Variants in PXDNL observed in about 807,000 individuals in gnomAD.
PXDNL encodes the protein probable oxidoreductase PXDNL.
In PXDNL, 145 loss-of-function variants were observed where a neutral mutation model predicts 150.8. The observed-to-expected ratio is 0.96, with a 90% confidence interval of 0.84 to 1.10. The LOEUF (loss-of-function observed/expected upper bound fraction) is 1.10. Among genes scored for constraint, PXDNL ranks in the 50% least tolerant of loss-of-function variants. PXDNL has a pLI of 0.00. For missense variants in PXDNL, 2,087 were observed against 1,873.9 expected, an observed-to-expected ratio of 1.11 and a Z score of -2.10; for synonymous variants, 757 against 725.7, an observed-to-expected ratio of 1.04 and a Z score of -0.69.
chr8:51,483,259 A>G (rs762731110), intron 6 of PXDNL, among the ~76,000 whole-genome samples: 3 of 152,214 alleles, frequency 2.0e-5, no homozygotes, highest in African/African-American at 2.4e-5. Flanking sequence ...ACAACTCCGT[A>G]CAACAAGGGA....
chr8:51,408,289 C>T lies in PXDNL; in HGVS notation c.3335G>A (p.Arg1112Gln), dbSNP rs753757543. Residue 1112 changes from arginine (R) to glutamine (Q), a missense_variant, in exon 17 of 23, where the codon CGG (arginine) becomes CAG (glutamine). By Grantham distance (43) the Arg-to-Gln change is conservative. Transcript: ENST00000356297. ...AGGACTGAGAAGGTAGGAGGGTGCCCGCCATTTAGCAGCCACGCCAAACAG... is the reference window on the plus strand; with the variant it reads ...AGGACTGAGAAGGTAGGAGGGTGCCTGCCATTTAGCAGCCACGCCAAACAG... ...RGLFGVAAKWRAPSYLLSPEL... is the reference protein window; with the variant it reads ...RGLFGVAAKWQAPSYLLSPEL... 17 of 1,613,800 alleles carry T rather than the reference C, an allele frequency of 1.1e-5. No individual in the cohort carries two copies. The highest frequency in any genetic ancestry group is 1.7e-5 in the Admixed American group (1 of 60,006).
intron 6 of PXDNL, among the ~76,000 whole-genome samples, chr8:51,482,936 T>G (rs1051272581): frequency 6.6e-6 from 1 of 152,218 alleles, no homozygotes; most frequent in African/African-American, 2.4e-5. Flanking sequence ...TTTTCCACTA[T>G]GTGCTCTCTG....
chr8:51,346,091 C>T lies in PXDNL; in HGVS notation c.3902-144G>A, dbSNP rs531194688. ...GAGAGTGAGAGAGACTCATTTAGTC[C>T]GTTCCATTTTGCTGGGTGACCACAG... On this transcript the variant is annotated intron_variant, in intron 19 of 22. Transcript: ENST00000356297. 7.3e-5 allele frequency: 40 copies of T among 546,794 alleles called. No individual in the cohort carries two copies. The East Asian group carries it at 7.8e-4, about 11-fold the overall frequency. 33.9% of individuals were successfully genotyped at this position (546,794 alleles called of 1,614,324 possible).
At chr8:51,586,353 C>A (rs139585758) in intron 3 of PXDNL, among the ~76,000 whole-genome samples, 161 of 152,274 alleles carry the variant, frequency 1.1e-3, no homozygotes, top group African/African-American at 3.7e-3. Context: ...AAGATCTGAG[C>A]CAGCCTAGAC....
chr8:51,755,530 G>A lies in PXDNL; in HGVS notation c.164+53651C>T, dbSNP rs183925030. ...TGGTCTCAAACTCCTGACCTCAGGT[G>A]ACCCACCTGCCTCGGCCTCCCAAAG... is the stretch of plus-strand genomic sequence containing the variant. On this transcript the variant is annotated intron_variant, in intron 1 of 22. Coordinates refer to ENST00000356297, the MANE Select transcript of PXDNL (RefSeq NM_144651.5). Among the ~76,000 whole-genome samples the A allele has an allele frequency of 7.9e-4, 121 of 152,258 alleles. 1 individual carries two copies. Among genetic ancestry groups the A allele is most frequent in the Non-Finnish European group, 1.3e-4 (9 of 68,022 alleles).
chr8:51,536,209 C>A (rs1421618781), intron 4 of PXDNL, among the ~76,000 whole-genome samples: 3 of 152,152 alleles, frequency 2.0e-5, no homozygotes, highest in Non-Finnish European at 4.4e-5. Context: ...CCGAAGCAAC[C>A]TTTTTATACA....
At chr8:51,522,264 A>C (rs1352375766) in intron 4 of PXDNL, among the ~76,000 whole-genome samples, 1 of 152,182 alleles carries the variant, frequency 6.6e-6, no homozygotes, top group African/African-American at 2.4e-5. Context: ...AAATAAGAGA[A>C]ACTATTTAGT....
At chr8:51,392,964 C>A (rs1306150822) in intron 17 of PXDNL, among the ~76,000 whole-genome samples, 5 of 152,112 alleles carry the variant, frequency 3.3e-5, no homozygotes, top group Non-Finnish European at 5.9e-5. Context: ...TCACTTACAG[C>A]CATTTGAAAA....
intron 19 of PXDNL, among the ~76,000 whole-genome samples, chr8:51,357,808 T>C (rs7832971): frequency 0.058 from 8,887 of 152,246 alleles, 409 homozygotes; most frequent in East Asian, 0.2. Context: ...GTAAGAAATA[T>C]AACAGATTGG....
chr8:51,757,562 G>T (rs6473653), intron 1 of PXDNL, among the ~76,000 whole-genome samples: 122,030 of 152,164 alleles, frequency 0.8, 49,081 homozygotes, highest in East Asian at 0.87. Flanking sequence ...GAGTTTATCA[G>T]ACCTGATTAC....
chr8:51,654,812 C>T, intron 1 of PXDNL, 52 bp from the exon 2 acceptor site: 1 of 1,368,054 alleles, frequency 7.3e-7, no homozygotes, highest in African/African-American at 1.4e-5. Flanking sequence ...CTGCATTCTG[C>T]CATTATTTCC....
At chr8:51,676,671 A>G (rs778439553) in intron 1 of PXDNL, among the ~76,000 whole-genome samples, 30 of 152,268 alleles carry the variant, frequency 2.0e-4, no homozygotes, top group Non-Finnish European at 3.2e-4. Flanking sequence ...TAGAATTACC[A>G]AACCGTGTGG....
intron 1 of PXDNL, among the ~76,000 whole-genome samples, chr8:51,689,863 T>A (rs1815953964): frequency 6.6e-6 from 1 of 152,218 alleles, no homozygotes; most frequent in Non-Finnish European, 1.5e-5. Context: ...GCTTTTAACA[T>A]CTCTGATAAA....
intron 1 of PXDNL, among the ~76,000 whole-genome samples, chr8:51,659,867 ATTT>A (rs1815231218): frequency 7.0e-6 from 1 of 141,894 alleles, no homozygotes; most frequent in South Asian, 2.1e-4. Context: ...GTATTTATTT[ATTT>A]ATTTATTTAT....
intron 4 of PXDNL, among the ~76,000 whole-genome samples, chr8:51,521,138 A>G (rs1811654510): frequency 6.6e-6 from 1 of 152,162 alleles, no homozygotes; most frequent in African/African-American, 2.4e-5. Flanking sequence ...GCTACCTGGG[A>G]GGATGAGGTG....
intron 19 of PXDNL, among the ~76,000 whole-genome samples, 188 bp downstream of exon 19, chr8:51,371,685 G>A (rs1019178720): frequency 6.6e-6 from 1 of 152,184 alleles, no homozygotes; most frequent in Non-Finnish European, 1.5e-5. Context: ...GGAAGAGGAT[G>A]GGCAGGTTGG....
At chr8:51,805,933 G>A (rs1484528725) in intron 1 of PXDNL, among the ~76,000 whole-genome samples, 1 of 152,194 alleles carries the variant, frequency 6.6e-6, no homozygotes, top group Admixed American at 6.5e-5. Flanking sequence ...GCTCCCTAAA[G>A]ATGCTGTGTT....
chr8:51,796,764 A>AT (rs1338417748), intron 1 of PXDNL, among the ~76,000 whole-genome samples: 2 of 152,200 alleles, frequency 1.3e-5, no homozygotes, highest in East Asian at 3.8e-4. Flanking sequence ...AGCTGGTACC[A>AT]TTTCTTCTGA....
At chr8:51,478,572 T>A (rs1409289064) in intron 6 of PXDNL, among the ~76,000 whole-genome samples, 1 of 152,200 alleles carries the variant, frequency 6.6e-6, no homozygotes, top group African/African-American at 2.4e-5. Context: ...GTAGTTGTCA[T>A]GAGTTAGAAA....
Sources: allele counts gnomAD v4.1 joint callset (sites outside exome capture counted in the v4.1 genomes callset), GRCh38; gene constraint gnomAD v4.1.1; transcripts MANE v1.5; gene names NCBI Gene and HGNC (gene_info 2026-07-23, HGNC 2026-07-21).